The following ADGRL2 variants were observed in gnomAD, a reference collection of about 807,000 sequenced individuals.
The protein encoded by ADGRL2 is calcium-independent alpha-latrotoxin receptor 2.
ADGRL2 carries 44 observed loss-of-function variants against 157.4 expected under a neutral mutation model. That is an observed-to-expected ratio of 0.28 (90% CI 0.22 to 0.36). ADGRL2 has a LOEUF of 0.36. ADGRL2 is among the 10% of genes least tolerant of loss of function. ADGRL2 has a pLI of 1.00. For missense variants in ADGRL2, 1,510 were observed against 1,768.9 expected (o/e 0.85, Z 2.63); for synonymous variants, 585 against 624.7 (o/e 0.94, Z 0.95).
intron 2 of ADGRL2, among the ~76,000 whole-genome samples, chr1:81,891,984 ATG>A (rs1428364670): frequency 8.1e-6 from 1 of 123,062 alleles, no homozygotes; most frequent in South Asian, 3.0e-4. Flanking sequence ...GTGTGTGTGT[ATG>A]TGTGTGTGGT....
intron 1 of ADGRL2, among the ~76,000 whole-genome samples, chr1:81,729,099 TTTA>T (rs1273980651): frequency 6.7e-6 from 1 of 149,656 alleles, no homozygotes; most frequent in Non-Finnish European, 1.5e-5. Flanking sequence ...TTATATAATA[TTTA>T]TTATATTATT....
At chr1:81,649,155 C>A (rs1465463047) in intron 3 of ADGRL2, among the ~76,000 whole-genome samples, 1 of 152,196 alleles carries the variant, frequency 6.6e-6, no homozygotes, top group Non-Finnish European at 1.5e-5. Context: ...CCCTACCTCT[C>A]CTCACCCAAG....
intron 1 of ADGRL2, among the ~76,000 whole-genome samples, chr1:81,377,060 G>A (rs960296529): frequency 2.0e-5 from 3 of 152,092 alleles, no homozygotes; most frequent in Admixed American, 6.5e-5. Context: ...GGGCATGGTG[G>A]CACGCACCTG....
rs1216910358 is a variant in ADGRL2 at position 81,905,746 on chromosome 1, CTG to C, written c.74-1269_74-1268del. On this transcript the variant is annotated intron_variant, in intron 2 of 23. Transcript: ENST00000686636. ...ATAGAATTGTAATTGCAAATTGCCT[CTG>C]TATTTAAAATAGGTTGCATTTCAAA... Among the ~76,000 whole-genome samples, 5 of 152,080 alleles carry C rather than the reference CTG, an allele frequency of 3.3e-5. No individual in the cohort carries two copies. In the East Asian group the frequency reaches 9.6e-4, roughly 29 times the overall value.
chr1:81,712,847 C>T (rs1236177441), intron 1 of ADGRL2, among the ~76,000 whole-genome samples: 2 of 149,606 alleles, frequency 1.3e-5, no homozygotes, highest in Non-Finnish European at 3.0e-5. Flanking sequence ...ACTGCAGCCT[C>T]CACCTCCCGG....
intron 3 of ADGRL2, among the ~76,000 whole-genome samples, chr1:81,616,588 T>G (rs1360323471): frequency 6.6e-6 from 1 of 151,972 alleles, no homozygotes; most frequent in Non-Finnish European, 1.5e-5. Flanking sequence ...GCACTATGAG[T>G]CCTCTCACTT....
At chr1:81,680,846 A>G (rs1374875286) in intron 3 of ADGRL2, among the ~76,000 whole-genome samples, 2 of 152,202 alleles carry the variant, frequency 1.3e-5, no homozygotes, top group Non-Finnish European at 2.9e-5. Context: ...CTCCTTGATA[A>G]AACTAAAGAA....
At chr1:81,365,177 CA>C (rs1262636513) in intron 1 of ADGRL2, among the ~76,000 whole-genome samples, 1 of 152,118 alleles carries the variant, frequency 6.6e-6, no homozygotes, top group African/African-American at 2.4e-5. Context: ...AACCAAAAGT[CA>C]ATTTCTGTCA....
chr1:81,715,624 C>A (rs1035869520), intron 1 of ADGRL2, among the ~76,000 whole-genome samples: 2 of 151,854 alleles, frequency 1.3e-5, no homozygotes, highest in Non-Finnish European at 2.9e-5. Context: ...GCACTTAATG[C>A]GACATGACGT....
chr1:81,347,706 G>T (rs1333172691), intron 1 of ADGRL2, among the ~76,000 whole-genome samples: 1 of 152,122 alleles, frequency 6.6e-6, no homozygotes, highest in Non-Finnish European at 1.5e-5. Flanking sequence ...GAGAAAACTT[G>T]TTTTAAAGAA....
At chr1:81,809,633 A>G (rs745795151) in intron 1 of ADGRL2, among the ~76,000 whole-genome samples, 8 of 151,984 alleles carry the variant, frequency 5.3e-5, no homozygotes, top group Non-Finnish European at 1.0e-4. Flanking sequence ...GAGGTTCCTA[A>G]TAAAAATGGG....
chr1:81,559,925 TA>T (rs547935612), intron 2 of ADGRL2, among the ~76,000 whole-genome samples: 26 of 152,340 alleles, frequency 1.7e-4, no homozygotes, highest in African/African-American at 5.8e-4. Context: ...CCTTTGGACT[TA>T]AAAAATTGTG....
intron 3 of ADGRL2, among the ~76,000 whole-genome samples, chr1:81,675,624 C>G (rs1257051951): frequency 1.3e-5 from 2 of 151,452 alleles, no homozygotes; most frequent in Non-Finnish European, 2.9e-5. Context: ...CTCTGTCACC[C>G]AGGCTGGAGT....
chr1:81,763,130 A>AT (rs1031956778), intron 2 of ADGRL2, among the ~76,000 whole-genome samples: 59 of 151,844 alleles, frequency 3.9e-4, no homozygotes, highest in African/African-American at 9.7e-4. Flanking sequence ...TTAATTCTTC[A>AT]TTTTTTGCAT....
intron 3 of ADGRL2, among the ~76,000 whole-genome samples, chr1:81,641,213 T>C (rs930984165): frequency 3.9e-5 from 6 of 152,214 alleles, no homozygotes; most frequent in Admixed American, 1.3e-4. Context: ...TAGTCCACTA[T>C]TATAGTTGAA....
intron 2 of ADGRL2, among the ~76,000 whole-genome samples, chr1:81,880,085 A>T (rs1263309515): frequency 2.0e-5 from 3 of 152,170 alleles, no homozygotes; most frequent in Admixed American, 2.0e-4. Context: ...TGTATTTTGG[A>T]TCCTCATCCG....
At chr1:81,841,351 T>G (rs540059929) in intron 2 of ADGRL2, among the ~76,000 whole-genome samples, 55 of 152,296 alleles carry the variant, frequency 3.6e-4, no homozygotes, top group Admixed American at 2.8e-3. Flanking sequence ...TAAGTACATT[T>G]TATAATGACT....
At chr1:81,507,116 G>A (rs7527959) in intron 2 of ADGRL2, among the ~76,000 whole-genome samples, 2,027 of 152,034 alleles carry the variant, frequency 0.013, 43 homozygotes, top group African/African-American at 0.046. Flanking sequence ...AAGGGGGAAA[G>A]GTTGCTGTTT....
intron 1 of ADGRL2, among the ~76,000 whole-genome samples, chr1:81,307,879 T>C (rs538471130): frequency 1.3e-5 from 2 of 152,128 alleles, no homozygotes; most frequent in African/African-American, 4.8e-5. Context: ...TTGAGTACAG[T>C]ACAAGGCATG....
Sources: allele counts gnomAD v4.1 joint callset (sites outside exome capture counted in the v4.1 genomes callset), GRCh38; gene constraint gnomAD v4.1.1; transcripts MANE v1.5; gene names NCBI Gene and HGNC (gene_info 2026-07-23, HGNC 2026-07-21).